The following MICAL3 variants were observed in gnomAD, a reference collection of about 807,000 sequenced individuals.
MICAL3 encodes microtubule associated monooxygenase, calponin and LIM domain containing 3.
MICAL3 carries 62 observed loss-of-function variants against 207.4 expected under a neutral mutation model. That is an observed-to-expected ratio of 0.30 (90% confidence interval 0.24 to 0.37). MICAL3 has a LOEUF of 0.37. Among genes scored for constraint, MICAL3 ranks in the 10% least tolerant of loss-of-function variants. MICAL3 has a pLI of 1.00. For missense variants in MICAL3, 2,368 were observed against 2,635.6 expected (o/e 0.90, Z 2.22); for synonymous variants, 1,077 against 1,069.3 (o/e 1.01, Z -0.14).
intron 1 of MICAL3, among the ~76,000 whole-genome samples, chr22:17,976,279 T>C (rs1253915604): frequency 6.6e-6 from 1 of 152,138 alleles, no homozygotes; most frequent in Non-Finnish European, 1.5e-5. Flanking sequence ...AAATTCCGTG[T>C]CTTATACTAG....
At chr22:17,884,202 C>T in intron 16 of MICAL3, 1 of 1,035,876 alleles carries the variant, frequency 9.7e-7, no homozygotes, top group South Asian at 1.5e-5. Context: ...GGCCTGAACC[C>T]TGGCTGGCTC....
chr22:17,814,512 G>C (rs902992193), intron 27 of MICAL3: 1 of 152,124 alleles, frequency 6.6e-6, no homozygotes, highest in African/African-American at 2.4e-5. Context: ...CTATCATCCA[G>C]TCCTCAGTTG....
At chr22:17,866,085 G>A (rs1252874284) in intron 17 of MICAL3, 73 bp from the exon 18 acceptor site, 1 of 1,130,036 alleles carries the variant, frequency 8.8e-7, no homozygotes, top group Non-Finnish European at 1.3e-6. Context: ...CCTGGTCTCA[G>A]CCACTCCTTT....
chr22:17,917,593 G>A (rs1932612593), intron 1 of MICAL3, among the ~76,000 whole-genome samples: 1 of 152,232 alleles, frequency 6.6e-6, no homozygotes. Context: ...AGCAGCCAGA[G>A]CATCCATTTA....
At chr22:17,803,705 G>T in intron 29 of MICAL3, 1 of 454,696 alleles carries the variant, frequency 2.2e-6, no homozygotes, top group Middle Eastern at 1.1e-3. Flanking sequence ...TTGCCATTTG[G>T]TTATTGGGTT....
In MICAL3 at chr22:17,817,748, G is replaced by T. The variant is rs567257845; in HGVS notation, c.4913C>A (p.Ala1638Glu). 6.3e-7 allele frequency: 1 copy of T among 1,591,258 alleles called. No individual in the cohort carries two copies. Among genetic ancestry groups the T allele is most frequent in the Non-Finnish European group, 8.6e-7 (1 of 1,169,316 alleles). ...CCGGCGCTCCTTGCCCTGGGAGGGT[G>T]CTGAGGACGCCTTGCGGGGCCTGGG... The part of the protein sequence containing the change: ...GAPRPRKASS[A>E]PSQGKERRPD... Residue 1638 changes from alanine to glutamate, a missense_variant, in exon 26 of 32, where the codon GCA becomes GAA. Transcript: ENST00000441493.
At chr22:17,876,717 GTTATGGAGGTTAGGGAGC>G (rs1213666154) in intron 16 of MICAL3, 25 of 150,998 alleles carry the variant, frequency 1.7e-4, no homozygotes, top group Middle Eastern at 3.3e-3. Flanking sequence ...GGTTAGGGAG[GTTATGGAGGTTAGGGAGC>G]TTATGGAGGT....
chr22:17,945,293 C>T (rs116056864), intron 1 of MICAL3, among the ~76,000 whole-genome samples: 2,074 of 152,278 alleles, frequency 0.014, 50 homozygotes, highest in African/African-American at 0.048. Flanking sequence ...GGGCCTGCGT[C>T]TCCTTCACCC....
rs746119149 is a variant in MICAL3, at chr22:17,791,193, G to A, written c.5750+9C>T. On this transcript the variant is annotated intron_variant, in intron 30 of 31. Coordinates refer to ENST00000441493, the MANE Select transcript of MICAL3 (RefSeq NM_015241.3). Reference sequence around the variant, plus strand: ...ATAGCGCTGACGCCCCCTACCCAAGGCCACTCACAAGATCATCAGCTCCGA... The same window carrying A: ...ATAGCGCTGACGCCCCCTACCCAAGACCACTCACAAGATCATCAGCTCCGA... The A allele has an allele frequency of 1.2e-6, 2 of 1,613,192 alleles. No homozygotes were observed.
intron 29 of MICAL3, among the ~76,000 whole-genome samples, chr22:17,792,712 C>T (rs898666406): frequency 6.6e-6 from 1 of 152,208 alleles, no homozygotes; most frequent in African/African-American, 2.4e-5. Context: ...CTGTACTGTG[C>T]CCTAGTGCAC....
intron 18 of MICAL3, 127 bp downstream of exon 18, chr22:17,865,797 C>T (rs919406515): frequency 3.4e-5 from 25 of 734,984 alleles, no homozygotes; most frequent in Admixed American, 6.0e-5. Flanking sequence ...CACTGCATTT[C>T]GGGCCCTCCC....
chr22:18,018,181 AT>A (rs1924195680), intron 1 of MICAL3, among the ~76,000 whole-genome samples: 1 of 152,182 alleles, frequency 6.6e-6, no homozygotes, highest in Non-Finnish European at 1.5e-5. Context: ...GCCGATAGAA[AT>A]TTTAAATTTA....
chr22:17,915,722 C>T (rs967705989), intron 1 of MICAL3, among the ~76,000 whole-genome samples: 2 of 152,216 alleles, frequency 1.3e-5, no homozygotes, highest in African/African-American at 2.4e-5. Context: ...ACCTGCCTAT[C>T]GATGACATGT....
intron 29 of MICAL3, among the ~76,000 whole-genome samples, chr22:17,791,923 C>T (rs954270854): frequency 6.6e-6 from 1 of 152,210 alleles, no homozygotes; most frequent in African/African-American, 2.4e-5. Flanking sequence ...TCAGGATGGC[C>T]GCAGGGTTTC....
At chr22:17,835,146 C>T (rs143717583) in intron 20 of MICAL3, among the ~76,000 whole-genome samples, 4 of 152,296 alleles carry the variant, frequency 2.6e-5, no homozygotes, top group Non-Finnish European at 4.4e-5. Flanking sequence ...ACAGCCGTGT[C>T]GCACCAGCTG....
intron 1 of MICAL3, among the ~76,000 whole-genome samples, chr22:17,997,783 T>C (rs768420636): frequency 4.6e-5 from 7 of 152,140 alleles, no homozygotes; most frequent in Non-Finnish European, 7.4e-5. Flanking sequence ...ACCTTGAATG[T>C]TGTTGTGAGG....
chr22:17,897,129 G>A (rs955125041), intron 7 of MICAL3, 148 bp from the exon 8 acceptor site: 44 of 802,916 alleles, frequency 5.5e-5, no homozygotes, highest in Non-Finnish European at 6.8e-5. Flanking sequence ...TAAAATGGGC[G>A]GGGGGAAAGG....
intron 16 of MICAL3, among the ~76,000 whole-genome samples, chr22:17,885,455 A>G (rs1929785316): frequency 6.6e-6 from 1 of 152,230 alleles, no homozygotes; most frequent in Non-Finnish European, 1.5e-5. Context: ...AAACAAGAAT[A>G]CACTGAAAAA....
chr22:17,836,239 C>T (rs991464721), intron 20 of MICAL3, among the ~76,000 whole-genome samples: 3 of 152,326 alleles, frequency 2.0e-5, no homozygotes, highest in Admixed American at 1.3e-4. Context: ...GGGGCGGATC[C>T]GAGGATGACA....
Sources: allele counts gnomAD v4.1 joint callset (sites outside exome capture counted in the v4.1 genomes callset), GRCh38; gene constraint gnomAD v4.1.1; transcripts MANE v1.5; gene names NCBI Gene and HGNC (gene_info 2026-07-23, HGNC 2026-07-21).